The following HNRNPCL2 variants were observed in gnomAD, a reference collection of about 807,000 sequenced individuals.
The protein encoded by HNRNPCL2 is heterogeneous nuclear ribonucleoprotein C like 2.
HNRNPCL2 carries 17 observed loss-of-function variants against 18.2 expected under a neutral mutation model. The observed-to-expected ratio is 0.94, with a 90% CI of 0.64 to 1.40. HNRNPCL2 has a LOEUF of 1.40. HNRNPCL2 is among the 40% of genes most tolerant of loss of function. The probability of loss-of-function intolerance (pLI) is 0.00; values close to 1 mark genes in which losing one functional copy is unlikely to be tolerated. For synonymous variants in HNRNPCL2, 133 were observed against 129.9 expected (o/e 1.02, Z -0.16); for missense variants, 358 against 357.1 (o/e 1.00, Z -0.02).
chr1:13,115,524 A>G lies in HNRNPCL2; in HGVS notation c.877T>C (p.Ser293Pro). 6.3e-7 allele frequency: 1 copy of G among 1,599,570 alleles called. No homozygotes were observed. Among genetic ancestry groups the G allele is most frequent in the Non-Finnish European group, 8.5e-7 (1 of 1,173,698 alleles). Residue 293 changes from serine (S) to proline (P), a missense_variant, in exon 2 of 2, where the codon TCT becomes CCT. Physicochemically the swap from Ser to Pro is moderately conservative, Grantham distance 74. Transcript: ENST00000621994. ...TTCTCAACCCCACTATGTGCTTAAGAGTCATCCTGGCCATTGGTGCTGTCT... is the reference window on the plus strand; with the variant it reads ...TTCTCAACCCCACTATGTGCTTAAGGGTCATCCTGGCCATTGGTGCTGTCT... ...NRDSTNGQDDS is the reference protein window; with the variant it reads ...NRDSTNGQDDP
Position 13,116,174 on chromosome 1 carries a change from G to A in HNRNPCL2, c.227C>T (p.Ala76Val), listed in dbSNP as rs1642823187. Residue 76 changes from alanine (A) to valine (V), a missense_variant, in exon 2 of 2, where the codon GCT (alanine) becomes GTT (valine). Coordinates refer to ENST00000621994, the MANE Select transcript of HNRNPCL2 (RefSeq NM_001136561.3). ...CAGGTTAATAACTGCAACCTGGCTA[G>A]CAATCATTCTGCCATCCTCTCCTGC... ...AVAGEDGRMIASQVAVINLAA... is the reference protein window; with the variant it reads ...AVAGEDGRMIVSQVAVINLAA... 6.2e-7 allele frequency: 1 copy of A among 1,608,910 alleles called. No homozygotes were observed.
chr1:13,116,351 C>T lies in HNRNPCL2; in HGVS notation c.50G>A (p.Arg17His). 5.6e-6 allele frequency: 9 copies of T among 1,613,114 alleles called. No individual in the cohort carries two copies. The highest frequency in any genetic ancestry group is 2.2e-5 in the East Asian group (1 of 44,800). ...AGTGTTGAGATTCCCAATGAACACA[C>T]GGGAGTTCACGGAGTGAGGATCCAT... ...NKMDPHSVNS[R>H]VFIGNLNTLV... The change falls in exon 2 of 2, where the codon CGT (arginine) becomes CAT (histidine). Residue 17 changes from arginine to histidine, a missense_variant. Coordinates refer to ENST00000621994, the MANE Select transcript of HNRNPCL2 (RefSeq NM_001136561.3).
chr1:13,115,957 T>C lies in HNRNPCL2; in HGVS notation c.444A>G (p.Ile148Met). The C allele has an allele frequency of 6.2e-7, 1 of 1,613,092 alleles. No homozygotes were observed. The change falls in exon 2 of 2, where the codon ATA becomes ATG. Residue 148 changes from isoleucine (I) to methionine (M), a missense_variant. Ile to Met is a conservative substitution (Grantham distance 10). Transcript: ENST00000621994. ...LAVVPSKRQR[I>M]SGNTSRRGKS... Reference sequence around the variant, plus strand: ...TGCCCCTTCGTGAGGTGTTTCCTGATATGCGCTGGCGTTTCGAGGGCACTA... The same window carrying C: ...TGCCCCTTCGTGAGGTGTTTCCTGACATGCGCTGGCGTTTCGAGGGCACTA...
In HNRNPCL2 at chr1:13,116,255, T is replaced by C. The variant is rs765989742; in HGVS notation, c.146A>G (p.His49Arg). Residue 49 changes from histidine (H) to arginine (R), a missense_variant, in exon 2 of 2, where the codon CAT (histidine) becomes CGT (arginine). Coordinates refer to ENST00000621994, the MANE Select transcript of HNRNPCL2 (RefSeq NM_001136561.3). ...KYGKIAGCSVHKGFAFVQYDK... is the reference protein window; with the variant it reads ...KYGKIAGCSVRKGFAFVQYDK... ...ATATTGAACGAAGGCAAAGCCCTTA[T>C]GAACAGAGCAGCCCGCAATTTTGCC... The C allele has an allele frequency of 6.2e-7, 1 of 1,612,650 alleles. No individual in the cohort carries two copies. The highest frequency in any genetic ancestry group is 1.1e-5 in the South Asian group (1 of 90,952).
rs1490005040 is a variant in HNRNPCL2, at chr1:13,116,523, A to G, written c.-123T>C. The G allele has an allele frequency of 7.1e-7, 1 of 1,418,184 alleles. No individual in the cohort carries two copies. The highest frequency in any genetic ancestry group is 9.4e-7 in the Non-Finnish European group (1 of 1,067,716). 87.9% of individuals were successfully genotyped at this position (1,418,184 alleles called of 1,614,324 possible). A position where few individuals can be genotyped will look rare whatever the true frequency, so the allele number is the denominator to read the frequency against. ...GAAACTGACTGCGGCTCGAGGCCAGAAATGCAGCCAAAACAGCTCAGTCTT... is the reference window on the plus strand; with the variant it reads ...GAAACTGACTGCGGCTCGAGGCCAGGAATGCAGCCAAAACAGCTCAGTCTT... On this transcript the variant is annotated 5_prime_UTR_variant, in exon 2 of 2. Transcript: ENST00000621994.
At position 13,116,041 on chromosome 1, in the gene HNRNPCL2, A is replaced by G. The variant is rs772142283; in HGVS notation, c.360T>C (p.Tyr120=). The change falls in exon 2 of 2, where the codon TAT becomes TAC. Residue 120 remains tyrosine, a synonymous_variant. Transcript: ENST00000621994. Reference sequence around the variant, plus strand: ...GTGCTGGGAAACTGTACATCCCATCATAATAATCCCGTTGAAAGCCATAGT... The same window carrying G: ...GTGCTGGGAAACTGTACATCCCATCGTAATAATCCCGTTGAAAGCCATAGT... ...DLDYGFQRDY[Y]DGMYSFPARV... 151 of 1,613,390 alleles carry G rather than the reference A, an allele frequency of 9.4e-5. 1 individual carries two copies. The highest frequency in any genetic ancestry group is 1.6e-4 in the Middle Eastern group (1 of 6,084).
Position 13,115,582 on chromosome 1 carries a change from A to G in HNRNPCL2, c.819T>C (p.Asn273=). The change falls in exon 2 of 2, where the codon AAT becomes AAC. Residue 273 remains asparagine, a synonymous_variant. Transcript: ENST00000621994. ...CCTCTCCTTCCTCAGCATCTTTTTC[A>G]TTATTCTTGATCAAATGAAGCTGGT... ...GDNQLHLIKN[N]EKDAEEGEDN... 1 of 1,613,256 alleles carries G rather than the reference A, an allele frequency of 6.2e-7. No individual in the cohort carries two copies. Among genetic ancestry groups the G allele is most frequent in the Non-Finnish European group, 8.5e-7 (1 of 1,179,848 alleles).
rs1388842842 is a variant in HNRNPCL2, at chr1:13,116,300, TCCA to T, written c.98_100del (p.Val33del). 1.2e-6 allele frequency: 2 copies of T among 1,611,736 alleles called. No homozygotes were observed. Among genetic ancestry groups the T allele is most frequent in the African/African-American group, 2.7e-5 (2 of 74,388 alleles). ...TTTGCCATACTTGGAAAAGATCGCC[TCCA>T]CATCAGATTTCTTGACAACAAGAGT... On this transcript the variant is annotated inframe_deletion, in exon 2 of 2. Transcript: ENST00000621994.
Position 13,115,606 on chromosome 1 carries a change from G to C in HNRNPCL2, c.795C>G (p.Asn265Lys). 2 of 1,613,466 alleles carry C rather than the reference G, an allele frequency of 1.2e-6. No individual in the cohort carries two copies. Among genetic ancestry groups the C allele is most frequent in the Non-Finnish European group, 1.7e-6 (2 of 1,179,946 alleles). ...DDDDNEDQGD[N>K]QLHLIKNNEK... ...CATTATTCTTGATCAAATGAAGCTGGTTGTCCCCCTGATCTTCATTATCAT... is the reference window on the plus strand; with the variant it reads ...CATTATTCTTGATCAAATGAAGCTGCTTGTCCCCCTGATCTTCATTATCAT... The change falls in exon 2 of 2, where the codon AAC becomes AAG. Residue 265 changes from asparagine (N) to lysine (K), a missense_variant. Asn to Lys is a moderately conservative substitution (Grantham distance 94). Coordinates refer to ENST00000621994, the MANE Select transcript of HNRNPCL2 (RefSeq NM_001136561.3).
chr1:13,115,573 A>C lies in HNRNPCL2; in HGVS notation c.828T>G (p.Asp276Glu), dbSNP rs201318324. The change falls in exon 2 of 2, where the codon GAT (aspartate) becomes GAG (glutamate). Residue 276 changes from aspartate to glutamate, a missense_variant. Asp to Glu is a conservative substitution (Grantham distance 45). Coordinates refer to ENST00000621994, the MANE Select transcript of HNRNPCL2 (RefSeq NM_001136561.3). ...CTCTGTTATCCTCTCCTTCCTCAGC[A>C]TCTTTTTCATTATTCTTGATCAAAT... The part of the protein sequence containing the change: ...QLHLIKNNEK[D>E]AEEGEDNRDS... 420 of 1,613,084 alleles carry C rather than the reference A, an allele frequency of 2.6e-4. 15 individuals are homozygous for C. In the African/African-American group the frequency reaches 5.1e-3, roughly 19 times the overall value.
rs761813965 is a variant in HNRNPCL2 at position 13,115,640 on chromosome 1, A to T, written c.761T>A (p.Leu254Gln). The change falls in exon 2 of 2, where the codon CTG becomes CAG. Residue 254 changes from leucine to glutamine, a missense_variant. Transcript: ENST00000621994. ...AEDSAEEGDP[L>Q]DDDDNEDQGD... ...CTGATCTTCATTATCATCATCATCC[A>T]GTGGGTCCCCCTCCTCAGCAGAGTC... 18 of 1,613,520 alleles carry T rather than the reference A, an allele frequency of 1.1e-5. No individual in the cohort carries two copies. The African/African-American group carries it at 2.4e-4, about 22-fold the overall frequency.
chr1:13,115,526 T>A lies in HNRNPCL2; in HGVS notation c.875A>T (p.Asp292Val). The change falls in exon 2 of 2, where the codon GAC (aspartate) becomes GTC (valine). Residue 292 changes from aspartate (D) to valine (V), a missense_variant. Coordinates refer to ENST00000621994, the MANE Select transcript of HNRNPCL2 (RefSeq NM_001136561.3). ...DNRDSTNGQD[D>V]S is the part of the protein sequence containing the mutation. ...CTCAACCCCACTATGTGCTTAAGAG[T>A]CATCCTGGCCATTGGTGCTGTCTCT... 2 of 1,600,016 alleles carry A rather than the reference T, an allele frequency of 1.2e-6. No homozygotes were observed. Among genetic ancestry groups the A allele is most frequent in the Non-Finnish European group, 1.7e-6 (2 of 1,173,960 alleles).
Position 13,116,230 on chromosome 1 carries a change from A to G in HNRNPCL2, c.171T>C (p.Tyr57=), listed in dbSNP as rs1642824435. 1 of 1,612,320 alleles carries G rather than the reference A, an allele frequency of 6.2e-7. No homozygotes were observed. The highest frequency in any genetic ancestry group is 8.5e-7 in the Non-Finnish European group (1 of 1,179,658). The stretch of plus-strand genomic sequence containing the variant: ...CAGCCCGGGCATTTTTCTCCTTATC[A>G]TATTGAACGAAGGCAAAGCCCTTAT... ...SVHKGFAFVQ[Y]DKEKNARAAV... The change falls in exon 2 of 2, where the codon TAT becomes TAC. Residue 57 remains tyrosine (Y), a synonymous_variant. Coordinates refer to ENST00000621994, the MANE Select transcript of HNRNPCL2 (RefSeq NM_001136561.3).
chr1:13,116,196 C>T lies in HNRNPCL2; in HGVS notation c.205G>A (p.Gly69Arg). The T allele has an allele frequency of 6.2e-7, 1 of 1,611,738 alleles. No homozygotes were observed. The highest frequency in any genetic ancestry group is 8.5e-7 in the Non-Finnish European group (1 of 1,179,430). ...CTAGCAATCATTCTGCCATCCTCTC[C>T]TGCTACAGCAGCCCGGGCATTTTTC... ...KEKNARAAVA[G>R]EDGRMIASQV... The change falls in exon 2 of 2, where the codon GGA (glycine) becomes AGA (arginine). Residue 69 changes from glycine to arginine, a missense_variant. Physicochemically the swap from Gly to Arg is moderately radical, Grantham distance 125. Coordinates refer to ENST00000621994, the MANE Select transcript of HNRNPCL2 (RefSeq NM_001136561.3).
Position 13,115,511 on chromosome 1 carries a change from C to T in HNRNPCL2, c.*8G>A, listed in dbSNP as rs1425983158. Reference sequence around the variant, plus strand: ...AATGGGATAAGATTTCTCAACCCCACTATGTGCTTAAGAGTCATCCTGGCC... The same window carrying T: ...AATGGGATAAGATTTCTCAACCCCATTATGTGCTTAAGAGTCATCCTGGCC... On this transcript the variant is annotated 3_prime_UTR_variant, in exon 2 of 2. Transcript: ENST00000621994. The T allele has an allele frequency of 6.4e-7, 1 of 1,570,916 alleles. No homozygotes were observed. The highest frequency in any genetic ancestry group is 8.6e-7 in the Non-Finnish European group (1 of 1,161,810).
Position 13,116,040 on chromosome 1 carries a change from C to A in HNRNPCL2, c.361G>T (p.Asp121Tyr). 1 of 1,613,460 alleles carries A rather than the reference C, an allele frequency of 6.2e-7. No individual in the cohort carries two copies. Among genetic ancestry groups the A allele is most frequent in the Non-Finnish European group, 8.5e-7 (1 of 1,179,896 alleles). ...CGTGCTGGGAAACTGTACATCCCAT[C>A]ATAATAATCCCGTTGAAAGCCATAG... is the stretch of plus-strand genomic sequence containing the variant. ...LDYGFQRDYY[D>Y]GMYSFPARVP... The change falls in exon 2 of 2, where the codon GAT (aspartate) becomes TAT (tyrosine). Residue 121 changes from aspartate to tyrosine, a missense_variant. By Grantham distance (160) the Asp-to-Tyr change is radical. Coordinates refer to ENST00000621994, the MANE Select transcript of HNRNPCL2 (RefSeq NM_001136561.3).
chr1:13,115,602 G>T lies in HNRNPCL2; in HGVS notation c.799C>A (p.Leu267Ile). Residue 267 changes from leucine to isoleucine, a missense_variant, in exon 2 of 2, where the codon CTT becomes ATT. Transcript: ENST00000621994. ...TTTTCATTATTCTTGATCAAATGAA[G>T]CTGGTTGTCCCCCTGATCTTCATTA... ...DDNEDQGDNQ[L>I]HLIKNNEKDA... is the part of the protein sequence containing the mutation. The T allele has an allele frequency of 3.1e-6, 5 of 1,613,540 alleles. No individual in the cohort carries two copies. Among genetic ancestry groups the T allele is most frequent in the Non-Finnish European group, 4.2e-6 (5 of 1,179,948 alleles).
At position 13,116,303 on chromosome 1, in the gene HNRNPCL2, A is replaced by G; in HGVS notation, c.98T>C (p.Val33Ala). Residue 33 changes from valine to alanine, a missense_variant, in exon 2 of 2, where the codon GTG (valine) becomes GCG (alanine). Physicochemically the swap from Val to Ala is moderately conservative, Grantham distance 64. Transcript: ENST00000621994. ...LNTLVVKKSD[V>A]EAIFSKYGKI... ...GCCATACTTGGAAAAGATCGCCTCC[A>G]CATCAGATTTCTTGACAACAAGAGT... The G allele has an allele frequency of 1.2e-6, 2 of 1,611,912 alleles. No individual in the cohort carries two copies. The highest frequency in any genetic ancestry group is 1.7e-6 in the Non-Finnish European group (2 of 1,179,296).
In HNRNPCL2 at chr1:13,116,334, G is replaced by C; in HGVS notation, c.67C>G (p.Leu23Val). Residue 23 changes from leucine to valine, a missense_variant, in exon 2 of 2, where the codon CTC becomes GTC. Transcript: ENST00000621994. Reference protein sequence around the residue: ...SVNSRVFIGNLNTLVVKKSDV... With the variant: ...SVNSRVFIGNVNTLVVKKSDV... ...GATTTCTTGACAACAAGAGTGTTGA[G>C]ATTCCCAATGAACACACGGGAGTTC... is the stretch of plus-strand genomic sequence containing the variant. 3 of 1,613,128 alleles carry C rather than the reference G, an allele frequency of 1.9e-6. No homozygotes were observed. Among genetic ancestry groups the C allele is most frequent in the Non-Finnish European group, 2.5e-6 (3 of 1,179,754 alleles).
Sources: allele counts gnomAD v4.1 joint callset, GRCh38; gene constraint gnomAD v4.1.1; transcripts MANE v1.5; gene names NCBI Gene and HGNC (gene_info 2026-07-23, HGNC 2026-07-21).